Variants in AFM observed in about 807,000 individuals in gnomAD.
AFM encodes alpha-Alb.
In AFM, 82 loss-of-function variants were observed where a neutral mutation model predicts 68.7. The ratio of observed to expected loss-of-function variants is 1.19; its 90% CI spans 1.00 to 1.43. The LOEUF is 1.43. Ranked by LOEUF, AFM falls within the 40% of genes most tolerant of loss-of-function variation. The probability of loss-of-function intolerance (pLI) is 0.00; values close to 1 mark genes in which losing one functional copy is unlikely to be tolerated. For missense variants in AFM, 772 were observed against 701.8 expected (o/e 1.10, Z -1.13); for synonymous variants, 250 against 234.2 (o/e 1.07, Z -0.61).
chr4:73,487,721 C>A lies in AFM; in HGVS notation c.616-3C>A. 1 of 1,586,594 alleles carries A rather than the reference C, an allele frequency of 6.3e-7. No homozygotes were observed. The highest frequency in any genetic ancestry group is 8.6e-7 in the Non-Finnish European group (1 of 1,159,016). On this transcript the variant is annotated splice_polypyrimidine_tract_variant and splice_region_variant and intron_variant, in intron 5 of 14. Transcript: ENST00000226355. ...TCAAAAGAATTTTCTCTTTCTTCTT[C>A]AGGCAATACCTGTCACACAATATTT...
At chr4:73,484,020 A>T (rs1720785826) in intron 2 of AFM, 31 bp downstream of exon 2, 1 of 1,488,012 alleles carries the variant, frequency 6.7e-7, no homozygotes, top group East Asian at 2.3e-5. Context: ...TTTGATGATG[A>T]TTTTTAAAAT....
intron 2 of AFM, 60 bp from the exon 3 acceptor site, chr4:73,484,198 C>G: frequency 6.5e-7 from 1 of 1,534,260 alleles, no homozygotes; most frequent in Non-Finnish European, 8.7e-7. Flanking sequence ...GTGACTTTTT[C>G]TTGACCATAA....
Position 73,499,100 on chromosome 4 carries a change from A to C in AFM, c.1290-14A>C. 1.2e-6 allele frequency: 2 copies of C among 1,608,642 alleles called. No homozygotes were observed. The highest frequency in any genetic ancestry group is 1.7e-6 in the Non-Finnish European group (2 of 1,176,802). Reference sequence around the variant, plus strand: ...TGCTTTCATTCAGAACCAAACAGACAAATGTTCTTTCAGTTACCTCATCAG... The same window carrying C: ...TGCTTTCATTCAGAACCAAACAGACCAATGTTCTTTCAGTTACCTCATCAG... On this transcript the variant is annotated splice_polypyrimidine_tract_variant and intron_variant, in intron 10 of 14. Transcript: ENST00000226355.
rs761053999 is a variant in AFM, at chr4:73,484,322, A to G, written c.202A>G (p.Lys68Glu). 6.2e-7 allele frequency: 1 copy of G among 1,613,600 alleles called. No homozygotes were observed. Among genetic ancestry groups the G allele is most frequent in the South Asian group, 1.1e-5 (1 of 91,006 alleles). ...ATFEEMEKLV[K>E]DMVEYKDRCM... ...CTTTGAAGAAATGGAAAAGCTGGTGAAAGACATGGTAGAATACAAAGACAG... is the reference window on the plus strand; with the variant it reads ...CTTTGAAGAAATGGAAAAGCTGGTGGAAGACATGGTAGAATACAAAGACAG... The change falls in exon 3 of 15, where the codon AAA becomes GAA. Residue 68 changes from lysine (K) to glutamate (E), a missense_variant. Coordinates refer to ENST00000226355, the MANE Select transcript of AFM (RefSeq NM_001133.2).
intron 1 of AFM, among the ~76,000 whole-genome samples, chr4:73,482,564 A>G (rs1720744281): frequency 6.6e-6 from 1 of 152,296 alleles, no homozygotes; most frequent in South Asian, 2.1e-4. Context: ...CCAGCTAGTG[A>G]AGACTGGTCA....
intron 7 of AFM, among the ~76,000 whole-genome samples, chr4:73,489,609 G>C (rs769457637): frequency 1.3e-4 from 20 of 152,152 alleles, no homozygotes; most frequent in Non-Finnish European, 2.6e-4. Flanking sequence ...TATTCCTTCT[G>C]TCCTAATGAA....
At chr4:73,496,418 A>T (rs947068311) in intron 9 of AFM, among the ~76,000 whole-genome samples, 1 of 152,126 alleles carries the variant, frequency 6.6e-6, no homozygotes, top group African/African-American at 2.4e-5. Context: ...TATCTTTATT[A>T]ATATTTATGG....
intron 9 of AFM, among the ~76,000 whole-genome samples, chr4:73,496,528 A>G (rs561608659): frequency 6.6e-6 from 1 of 152,310 alleles, no homozygotes; most frequent in Non-Finnish European, 1.5e-5. Context: ...CTGTCAAGAA[A>G]GTTGTTTCTG....
rs1219550016 is a variant in AFM at position 73,485,957 on chromosome 4, A to G, written c.366A>G (p.Arg122=). Residue 122 remains arginine, a synonymous_variant, in exon 4 of 15, where the codon AGA becomes AGG. Coordinates refer to ENST00000226355, the MANE Select transcript of AFM (RefSeq NM_001133.2). ...HCCSKVDAQR[R]LCFFYNKKSD... is the part of the protein sequence containing the mutation. ...GCAGTAAGGTTGATGCTCAAAGAAGACTCTGTTTCTTCTATAACAAGAAAT... is the reference window on the plus strand; with the variant it reads ...GCAGTAAGGTTGATGCTCAAAGAAGGCTCTGTTTCTTCTATAACAAGAAAT... 2 of 1,613,570 alleles carry G rather than the reference A, an allele frequency of 1.2e-6. No homozygotes were observed. Among genetic ancestry groups the G allele is most frequent in the African/African-American group, 2.7e-5 (2 of 74,774 alleles).
At chr4:73,489,730 T>C (rs1368491291) in intron 7 of AFM, among the ~76,000 whole-genome samples, 1 of 152,180 alleles carries the variant, frequency 6.6e-6, no homozygotes, top group Non-Finnish European at 1.5e-5. Context: ...GTTTGAATTG[T>C]TCATGCATTC....
intron 3 of AFM, among the ~76,000 whole-genome samples, chr4:73,485,123 A>G (rs575513799): frequency 1.3e-5 from 2 of 152,298 alleles, no homozygotes; most frequent in Admixed American, 1.3e-4. Context: ...GTACCTCCTT[A>G]GCTGCCTCTC....
At chr4:73,502,979 G>A (rs370920539) in intron 13 of AFM, 71 bp from the exon 14 acceptor site, 8 of 1,354,620 alleles carry the variant, frequency 5.9e-6, no homozygotes, top group East Asian at 4.6e-5. Flanking sequence ...AGGAAAACAT[G>A]CTTATCTAAA....
Position 73,491,965 on chromosome 4 carries a change from T to G in AFM, c.937T>G (p.Cys313Gly), listed in dbSNP as rs761251784. 1 of 1,613,944 alleles carries G rather than the reference T, an allele frequency of 6.2e-7. No individual in the cohort carries two copies. The highest frequency in any genetic ancestry group is 8.5e-7 in the Non-Finnish European group (1 of 1,179,916). The change falls in exon 8 of 15, where the codon TGC becomes GGC. Residue 313 changes from cysteine to glycine, a missense_variant. Transcript: ENST00000226355. Reference protein sequence around the residue: ...CEKKIPERGQCIINSNKDDRP... With the variant: ...CEKKIPERGQGIINSNKDDRP... ...AAAGAAAATACCAGAGCGCGGCCAGTGCATAATTAACTCAAACAAAGATGA... is the reference window on the plus strand; with the variant it reads ...AAAGAAAATACCAGAGCGCGGCCAGGGCATAATTAACTCAAACAAAGATGA...
At position 73,491,912 on chromosome 4, in the gene AFM, T is replaced by C; in HGVS notation, c.884T>C (p.Ile295Thr). 2 of 1,613,870 alleles carry C rather than the reference T, an allele frequency of 1.2e-6. No homozygotes were observed. The highest frequency in any genetic ancestry group is 1.7e-6 in the Non-Finnish European group (2 of 1,179,914). Residue 295 changes from isoleucine (I) to threonine (T), a missense_variant, in exon 8 of 15, where the codon ATC (isoleucine) becomes ACC (threonine). Coordinates refer to ENST00000226355, the MANE Select transcript of AFM (RefSeq NM_001133.2). Reference sequence around the variant, plus strand: ...CATATTTGTTCAAAACAAGATTCTATCTCCAGCAAAATCAAAGAGTGCTGT... The same window carrying C: ...CATATTTGTTCAAAACAAGATTCTACCTCCAGCAAAATCAAAGAGTGCTGT... ...MNHICSKQDS[I>T]SSKIKECCEK...
intron 8 of AFM, among the ~76,000 whole-genome samples, chr4:73,492,828 A>C (rs1164420316): frequency 6.6e-6 from 1 of 150,898 alleles, no homozygotes; most frequent in Non-Finnish European, 1.5e-5. Context: ...TATTAATTTA[A>C]AGTTTATTAG....
intron 7 of AFM, among the ~76,000 whole-genome samples, chr4:73,490,019 T>C (rs1291932771): frequency 6.6e-6 from 1 of 151,940 alleles, no homozygotes; most frequent in African/African-American, 2.4e-5. Context: ...TCAAAGGTAA[T>C]ATAATTTTAT....
rs370128371 is a variant in AFM at position 73,491,978 on chromosome 4, C to T, written c.950C>T (p.Ser317Leu). The T allele has an allele frequency of 6.2e-7, 1 of 1,613,646 alleles. No individual in the cohort carries two copies. The highest frequency in any genetic ancestry group is 1.1e-5 in the South Asian group (1 of 91,002). The part of the protein sequence containing the change: ...IPERGQCIIN[S>L]NKDDRPKDLS... ...GAGCGCGGCCAGTGCATAATTAACT[C>T]AAACAAAGATGATAGACCAAAGGAT... Residue 317 changes from serine to leucine, a missense_variant, in exon 8 of 15, where the codon TCA (serine) becomes TTA (leucine). Ser to Leu is a moderately radical substitution (Grantham distance 145, BLOSUM62 -2). Coordinates refer to ENST00000226355, the MANE Select transcript of AFM (RefSeq NM_001133.2).
chr4:73,497,014 C>A (rs951587031), intron 9 of AFM, among the ~76,000 whole-genome samples: 4 of 152,128 alleles, frequency 2.6e-5, no homozygotes. Flanking sequence ...TTAAATTAAT[C>A]ATAGCGCTAG....
chr4:73,493,825 T>G (rs1015670512), intron 8 of AFM, among the ~76,000 whole-genome samples: 5 of 152,204 alleles, frequency 3.3e-5, no homozygotes, highest in Non-Finnish European at 7.3e-5. Context: ...GTACCTGACA[T>G]ATGTGTTTGA....
Sources: gnomAD v4.1 joint callset for allele counts (sites outside exome capture counted in the v4.1 genomes callset) on GRCh38, gnomAD v4.1.1 for gene constraint, MANE v1.5 for transcripts, NCBI Gene and HGNC (gene_info 2026-07-23, HGNC 2026-07-21) for gene names.